TTN: variants seen among roughly 807,000 people sequenced by gnomAD.
The protein encoded by TTN is connectin.
TTN carries 1,525 observed loss-of-function variants against 3,223.0 expected under a neutral mutation model. That is an observed-to-expected ratio of 0.47 (90% CI 0.45 to 0.49). The LOEUF (loss-of-function observed/expected upper bound fraction) is 0.49, where lower values mean the gene tolerates loss of function less well. Ranked by LOEUF, TTN falls within the 20% of genes least tolerant of loss-of-function variation. The pLI, the probability that TTN is intolerant of heterozygous loss-of-function variation, is 0.00. For synonymous variants in TTN, 14,094 were observed against 15,161.0 expected, an observed-to-expected ratio of 0.93 and a Z score of 5.17; for missense variants, 40,786 against 43,424.0, an observed-to-expected ratio of 0.94 and a Z score of 5.40.
At chr2:178,695,299 G>C in intron 115 of TTN, 49 bp downstream of exon 115, 1 of 1,459,300 alleles carries the variant, frequency 6.9e-7, no homozygotes, top group Non-Finnish European at 9.6e-7. Context: ...AACAAGCCAT[G>C]ATAATGATGT....
intron 240 of TTN, among the ~76,000 whole-genome samples, chr2:178,627,919 A>C (rs1316559700): frequency 6.6e-6 from 1 of 152,112 alleles, no homozygotes; most frequent in East Asian, 1.9e-4. Context: ...AAGTTAATTA[A>C]ATCATGCATG....
intron 313 of TTN, 111 bp from the exon 314 acceptor site, chr2:178,582,703 G>A: frequency 8.8e-7 from 1 of 1,134,518 alleles, no homozygotes; most frequent in East Asian, 2.6e-5. Context: ...ATATGACCTA[G>A]GAGGTTAGTT....
intron 120 of TTN, 74 bp from the exon 121 acceptor site, chr2:178,692,173 G>T: frequency 7.4e-7 from 1 of 1,351,826 alleles, no homozygotes; most frequent in Non-Finnish European, 1.0e-6. Flanking sequence ...TTACATTAAA[G>T]CATAAATCTT....
chr2:178,543,611 G>A lies in TTN; in HGVS notation c.96362C>T (p.Ser32121Phe). 6.2e-7 allele frequency: 1 copy of A among 1,604,036 alleles called. No individual in the cohort carries two copies. Among genetic ancestry groups the A allele is most frequent in the South Asian group, 1.1e-5 (1 of 91,018 alleles). The change falls in exon 347 of 363, where the codon TCT becomes TTT. Residue 32121 changes from serine (S) to phenylalanine (F), a missense_variant. Coordinates refer to ENST00000589042, the MANE Select transcript of TTN (RefSeq NM_001267550.2). ...GGGAATTTCCCAAGTTATAGTCACA[G>A]AATCTCTTGATACTTCCTTAACTTT... is the stretch of plus-strand genomic sequence containing the variant. ...SVKVKEVSRD[S>F]VTITWEIPTI...
chr2:178,592,014 C>T lies in TTN; in HGVS notation c.59890G>A (p.Glu19964Lys), dbSNP rs918361300. ...ENQYGRGPFV[E>K]TPKPIKALDP... ...AAAGCCTTGATTGGTTTTGGTGTTT[C>T]AACAAAAGGACCACGTCCATACTGG... Residue 19964 changes from glutamate (E) to lysine (K), a missense_variant, in exon 302 of 363, where the codon GAA (glutamate) becomes AAA (lysine). Transcript: ENST00000589042. 5 of 1,612,994 alleles carry T rather than the reference C, an allele frequency of 3.1e-6. No homozygotes were observed. Among genetic ancestry groups the T allele is most frequent in the South Asian group, 1.1e-5 (1 of 91,014 alleles).
At position 178,701,520 on chromosome 2, in the gene TTN, G is replaced by A. The variant is rs777799710; in HGVS notation, c.30598+8C>T. On this transcript the variant is annotated splice_region_variant and intron_variant, in intron 110 of 362. Transcript: ENST00000589042. ...TCCAAGCTCAGATGTTGAGGTTCTG[G>A]GTCTTACCTTCTGGTGGCACTGCTC... 6.2e-6 allele frequency: 10 copies of A among 1,611,528 alleles called. No individual in the cohort carries two copies. The African/African-American group carries it at 9.4e-5, about 15-fold the overall frequency.
intron 130 of TTN, 35 bp downstream of exon 130, chr2:178,684,871 A>T (rs759695453): frequency 4.0e-5 from 63 of 1,560,580 alleles, no homozygotes; most frequent in Admixed American, 1.3e-4. Flanking sequence ...GATTAAAAAA[A>T]GACAGTCTTG....
At chr2:178,625,109 A>G (rs1380290874) in intron 241 of TTN, among the ~76,000 whole-genome samples, 164 bp downstream of exon 241, 1 of 152,014 alleles carries the variant, frequency 6.6e-6, no homozygotes, top group African/African-American at 2.4e-5. Flanking sequence ...CTTTAAAAAG[A>G]TAGTCTGTGA....
At chr2:178,727,447 A>C in intron 68 of TTN, 76 bp from the exon 69 acceptor site, 4 of 1,506,926 alleles carry the variant, frequency 2.7e-6, no homozygotes. Flanking sequence ...GTATACAGGC[A>C]AGAGAAAAAC....
At chr2:178,678,070 G>A (rs894575983) in intron 145 of TTN, 55 bp downstream of exon 145, 3 of 1,576,164 alleles carry the variant, frequency 1.9e-6, no homozygotes, top group African/African-American at 1.4e-5. Context: ...TAGTAAGGCT[G>A]TATAACACCA....
Position 178,650,272 on chromosome 2 carries a change from C to T in TTN, c.39710-1G>A. On this transcript the variant is annotated splice_acceptor_variant, in intron 209 of 362. Coordinates refer to ENST00000589042, the MANE Select transcript of TTN (RefSeq NM_001267550.2). LOFTEE classifies it high-confidence loss of function. Reference sequence around the variant, plus strand: ...GCAATTTCCTCAGGTTCTTCATATACTTTAAAGATATTAGTTAATTTTATT... The same window carrying T: ...GCAATTTCCTCAGGTTCTTCATATATTTTAAAGATATTAGTTAATTTTATT... 2.6e-6 allele frequency: 4 copies of T among 1,563,272 alleles called. 1 individual carries two copies. The South Asian group carries it at 3.6e-5, about 14-fold the overall frequency.
In TTN at chr2:178,707,619, T is replaced by C; in HGVS notation, c.28948A>G (p.Arg9650Gly). 6.2e-7 allele frequency: 1 copy of C among 1,613,932 alleles called. No individual in the cohort carries two copies. The highest frequency in any genetic ancestry group is 2.2e-5 in the East Asian group (1 of 44,876). ...CCCGAATCTGCTTTAGCCACATCTC[T>C]GAGTTCCAGTACAGCTGTCCCACTA... ...FASGTAVLEL[R>G]DVAKADSGDY... is the part of the protein sequence containing the mutation. Residue 9650 changes from arginine (R) to glycine (G), a missense_variant, in exon 100 of 363, where the codon AGA becomes GGA. By Grantham distance (125) the Arg-to-Gly change is moderately radical. Coordinates refer to ENST00000589042, the MANE Select transcript of TTN (RefSeq NM_001267550.2).
rs755530639 is a variant in TTN, at chr2:178,775,743, A to G, written c.6121T>C (p.Trp2041Arg). 3 of 1,613,936 alleles carry G rather than the reference A, an allele frequency of 1.9e-6. No individual in the cohort carries two copies. The highest frequency in any genetic ancestry group is 2.2e-5 in the East Asian group (1 of 44,886). ...LRKTKDELLH[W>R]TKELTEEEKK... is the part of the protein sequence containing the mutation. ...TCCTCTTCAGTTAACTCTTTGGTCC[A>G]GTGGAGAAGTTCATCTTTTGTCTTC... Residue 2041 changes from tryptophan to arginine, a missense_variant, in exon 28 of 363, where the codon TGG (tryptophan) becomes CGG (arginine). By Grantham distance (101) the Trp-to-Arg change is moderately radical. Transcript: ENST00000589042.
At position 178,714,292 on chromosome 2, in the gene TTN, C is replaced by T. The variant is rs778206438; in HGVS notation, c.26482G>A (p.Glu8828Lys). ...QECFATLSVL[E>K]PATIVEKPES... Reference sequence around the variant, plus strand: ...GTGATAACATCATCTTTTTACTAACCGAGAACGGATAGCGTGGCGAAGCAC... The same window carrying T: ...GTGATAACATCATCTTTTTACTAACTGAGAACGGATAGCGTGGCGAAGCAC... The change falls in exon 91 of 363, where the codon GAG becomes AAG. Residue 8828 changes from glutamate to lysine, a missense_variant and splice_region_variant. Coordinates refer to ENST00000589042, the MANE Select transcript of TTN (RefSeq NM_001267550.2). The T allele has an allele frequency of 5.0e-6, 8 of 1,610,602 alleles. No homozygotes were observed. The highest frequency in any genetic ancestry group is 2.2e-5 in the East Asian group (1 of 44,828).
chr2:178,621,469 T>G lies in TTN; in HGVS notation c.45349+6A>C. ...AATAAAAGATTATTCACTGTAGTTT[T>G]CATACCATGTACTTTGACTTTGCCA... On this transcript the variant is annotated splice_donor_region_variant and intron_variant, in intron 245 of 362. Coordinates refer to ENST00000589042, the MANE Select transcript of TTN (RefSeq NM_001267550.2). The G allele has an allele frequency of 6.2e-7, 1 of 1,611,852 alleles. No homozygotes were observed. Among genetic ancestry groups the G allele is most frequent in the Non-Finnish European group, 8.5e-7 (1 of 1,178,944 alleles).
chr2:178,649,926 G>C, intron 210 of TTN, 32 bp from the exon 211 acceptor site: 1 of 1,591,064 alleles, frequency 6.3e-7, no homozygotes, highest in Non-Finnish European at 8.6e-7. Context: ...TTAGAATTAG[G>C]TGATTACAAT....
At chr2:178,629,076 C>T (rs924617081) in intron 240 of TTN, among the ~76,000 whole-genome samples, 1 of 151,966 alleles carries the variant, frequency 6.6e-6, no homozygotes, top group Admixed American at 6.6e-5. Flanking sequence ...CATGATCATA[C>T]TTTAAATTTA....
At position 178,546,624 on chromosome 2, in the gene TTN, G is replaced by A. The variant is rs1697282371; in HGVS notation, c.94804C>T (p.Pro31602Ser). Residue 31602 changes from proline to serine, a missense_variant, in exon 341 of 363, where the codon CCT (proline) becomes TCT (serine). Pro to Ser is a moderately conservative substitution (Grantham distance 74). Coordinates refer to ENST00000589042, the MANE Select transcript of TTN (RefSeq NM_001267550.2). The part of the protein sequence containing the change: ...VISKGSESTG[P>S]VTCRDEYAPP... ...CCGTATTCATCTCGGCAAGTGACAG[G>A]GCCTGTAGATTCAGACCCTTTGCTA... 1.2e-6 allele frequency: 2 copies of A among 1,611,820 alleles called. No individual in the cohort carries two copies. Among genetic ancestry groups the A allele is most frequent in the African/African-American group, 2.7e-5 (2 of 74,856 alleles).
At chr2:178,795,878 C>T (rs550794497) in intron 6 of TTN, among the ~76,000 whole-genome samples, 15 of 152,224 alleles carry the variant, frequency 9.9e-5, no homozygotes, top group South Asian at 6.2e-4. Context: ...CTGCTTTAGC[C>T]GAAGTGTTTG....
Sources: gnomAD v4.1 joint callset for allele counts (sites outside exome capture counted in the v4.1 genomes callset) on GRCh38, gnomAD v4.1.1 for gene constraint, MANE v1.5 for transcripts, NCBI Gene and HGNC (gene_info 2026-07-23, HGNC 2026-07-21) for gene names.